Variants in ATG10 observed in about 807,000 individuals in gnomAD.
ATG10 encodes the protein autophagy related 10.
Under a neutral mutation model 32.1 loss-of-function variants are expected in ATG10, and 30 were observed. The ratio of observed to expected loss-of-function variants is 0.94; its 90% confidence interval spans 0.70 to 1.27. The LOEUF is 1.27. ATG10 is among the 50% of genes most tolerant of loss of function. The pLI, the probability that ATG10 is intolerant of heterozygous loss-of-function variation, is 0.00. For synonymous variants in ATG10, 87 were observed against 91.5 expected, an observed-to-expected ratio of 0.95 and a Z score of 0.28; for missense variants, 233 against 262.3, an observed-to-expected ratio of 0.89 and a Z score of 0.77.
intron 5 of ATG10, among the ~76,000 whole-genome samples, chr5:82,214,526 GA>G (rs1490374925): frequency 1.3e-5 from 2 of 152,114 alleles, no homozygotes; most frequent in African/African-American, 2.4e-5. Context: ...ATAGGATGAA[GA>G]TTTTTTTAAT....
chr5:82,019,336 A>C (rs1214682044), intron 2 of ATG10, among the ~76,000 whole-genome samples: 1 of 152,164 alleles, frequency 6.6e-6, no homozygotes, highest in East Asian at 1.9e-4. Context: ...AATGATATGC[A>C]GCATAGTAGA....
intron 5 of ATG10, among the ~76,000 whole-genome samples, chr5:82,214,368 C>T (rs1745597371): frequency 6.6e-6 from 1 of 152,118 alleles, no homozygotes; most frequent in Non-Finnish European, 1.5e-5. Flanking sequence ...CCTTGTAATT[C>T]GCTAAATGTA....
chr5:82,048,019 G>A (rs1763282521), intron 2 of ATG10, among the ~76,000 whole-genome samples: 1 of 146,970 alleles, frequency 6.8e-6, no homozygotes, highest in African/African-American at 2.5e-5. Context: ...TCAAAGATCA[G>A]ATAGTTGTAG....
intron 3 of ATG10, among the ~76,000 whole-genome samples, chr5:82,113,997 T>C (rs1026456504): frequency 6.6e-6 from 1 of 151,694 alleles, no homozygotes; most frequent in African/African-American, 2.4e-5. Context: ...TAGTCAAATC[T>C]AGTAATCATT....
Position 82,255,813 on chromosome 5 carries a change from A to G in ATG10, c.*1750A>G, listed in dbSNP as rs1747440765. 6.6e-6 allele frequency: 1 copy of G among 152,268 alleles called. No homozygotes were observed. The highest frequency in any genetic ancestry group is 1.5e-5 in the Non-Finnish European group (1 of 68,070). 9.4% of individuals were successfully genotyped at this position (152,268 alleles called of 1,614,324 possible). A position where few individuals can be genotyped will look rare whatever the true frequency, so the allele number is the denominator to read the frequency against. ...GACATCATTCACCAGTGGATCACCGAGCACCGTGACAGCACCCTCAGTCCA... is the reference window on the plus strand; with the variant it reads ...GACATCATTCACCAGTGGATCACCGGGCACCGTGACAGCACCCTCAGTCCA... On this transcript the variant is annotated 3_prime_UTR_variant, in exon 8 of 8. Coordinates refer to ENST00000282185, the MANE Select transcript of ATG10 (RefSeq NM_031482.5).
At chr5:81,981,507 G>T (rs910975135) in intron 1 of ATG10, among the ~76,000 whole-genome samples, 2 of 152,014 alleles carry the variant, frequency 1.3e-5, no homozygotes, top group Non-Finnish European at 2.9e-5. Context: ...GATAGTGCAT[G>T]TTTTTTAAAA....
At position 82,050,839 on chromosome 5, in the gene ATG10, CAAAAAAAAAAA is replaced by C. The variant is rs71000881; in HGVS notation, c.109-7636_109-7626del. On this transcript the variant is annotated intron_variant, in intron 2 of 7. Transcript: ENST00000282185. ...CAACATAGCAAGACCCCATCTCTACCAAAAAAAAAAAAAAAAAAAAAAAAAAAAAATCAGCC... is the reference window on the plus strand; with the variant it reads ...CAACATAGCAAGACCCCATCTCTACCAAAAAAAAAAAAAAAAAAATCAGCC... Among the ~76,000 whole-genome samples, 53 of 36,306 alleles carry C rather than the reference CAAAAAAAAAAA, an allele frequency of 1.5e-3. 1 individual carries two copies. The East Asian group carries it at 0.042, about 29-fold the overall frequency. The allele number at this position is 36,306 out of a possible 152,430, so 23.8% of individuals were successfully genotyped here.
intron 3 of ATG10, among the ~76,000 whole-genome samples, chr5:82,114,553 A>G (rs1485885440): frequency 6.6e-6 from 1 of 152,044 alleles, no homozygotes; most frequent in African/African-American, 2.4e-5. Context: ...TAGCTTGGGA[A>G]CCTAAATAAA....
At chr5:82,144,661 G>A (rs1767276139) in intron 3 of ATG10, among the ~76,000 whole-genome samples, 1 of 151,338 alleles carries the variant, frequency 6.6e-6, no homozygotes, top group African/African-American at 2.4e-5. Context: ...ATTTATTTTG[G>A]TCAGAGATAG....
intron 4 of ATG10, among the ~76,000 whole-genome samples, chr5:82,172,038 T>C (rs558732115): frequency 1.4e-4 from 22 of 152,270 alleles, no homozygotes; most frequent in Non-Finnish European, 2.5e-4. Flanking sequence ...TATGACTACC[T>C]TGAGCTGTGG....
intron 5 of ATG10, among the ~76,000 whole-genome samples, chr5:82,231,727 A>G (rs1746374546): frequency 6.6e-6 from 1 of 152,192 alleles, no homozygotes; most frequent in Non-Finnish European, 1.5e-5. Context: ...GCTAAAGAGA[A>G]AAACTAATTT....
intron 2 of ATG10, among the ~76,000 whole-genome samples, chr5:82,038,952 A>G (rs1438555574): frequency 6.6e-6 from 1 of 152,164 alleles, no homozygotes; most frequent in African/African-American, 2.4e-5. Flanking sequence ...GGCTTAAGTG[A>G]TCCTCCTACC....
At chr5:82,114,088 A>G (rs1765702592) in intron 3 of ATG10, among the ~76,000 whole-genome samples, 1 of 151,970 alleles carries the variant, frequency 6.6e-6, no homozygotes, top group African/African-American at 2.4e-5. Flanking sequence ...TCCTTGTGCG[A>G]CTGTGATGTA....
chr5:82,086,167 G>A (rs893847610), intron 3 of ATG10, among the ~76,000 whole-genome samples: 1 of 152,084 alleles, frequency 6.6e-6, no homozygotes, highest in Admixed American at 6.5e-5. Context: ...AATAAATACT[G>A]TATTCTTAGT....
chr5:82,025,386 T>C (rs1376374958), intron 2 of ATG10, among the ~76,000 whole-genome samples: 1 of 152,228 alleles, frequency 6.6e-6, no homozygotes, highest in Non-Finnish European at 1.5e-5. Context: ...CTATGGGTTC[T>C]GCTTATGAGG....
chr5:82,012,223 T>C (rs1233197156), intron 2 of ATG10, among the ~76,000 whole-genome samples: 2 of 152,224 alleles, frequency 1.3e-5, no homozygotes, highest in Non-Finnish European at 2.9e-5. Context: ...GAATAAGTGC[T>C]TCTTAATATG....
At chr5:82,247,448 T>C (rs1327701586) in intron 5 of ATG10, among the ~76,000 whole-genome samples, 1 of 152,192 alleles carries the variant, frequency 6.6e-6, no homozygotes, top group African/African-American at 2.4e-5. Context: ...TTATTTCTGG[T>C]ATTGTACTTT....
At chr5:82,025,180 TTTA>T (rs1471540089) in intron 2 of ATG10, among the ~76,000 whole-genome samples, 2 of 152,240 alleles carry the variant, frequency 1.3e-5, no homozygotes, top group Non-Finnish European at 2.9e-5. Flanking sequence ...TGCTATGTAT[TTTA>T]TTCATTGCTG....
chr5:82,151,848 C>T (rs1280876163), intron 3 of ATG10, among the ~76,000 whole-genome samples: 1 of 114,312 alleles, frequency 8.7e-6, no homozygotes, highest in South Asian at 3.0e-4. Context: ...AATAAAACCT[C>T]TTACAGCTAG....
Sources: gnomAD v4.1 joint callset for allele counts (sites outside exome capture counted in the v4.1 genomes callset) on GRCh38, gnomAD v4.1.1 for gene constraint, MANE v1.5 for transcripts, NCBI Gene and HGNC (gene_info 2026-07-23, HGNC 2026-07-21) for gene names.